NSD2: variants seen among roughly 807,000 people sequenced by gnomAD.
NSD2 encodes nuclear receptor binding SET domain protein 2, also known as histone-lysine N-methyltransferase NSD2.
A neutral mutation model predicts 139.0 loss-of-function variants in NSD2; 12 were observed. The ratio of observed to expected loss-of-function variants is 0.09; its 90% CI spans 0.06 to 0.14. The LOEUF (loss-of-function observed/expected upper bound fraction) is 0.14, where lower values mean the gene tolerates loss of function less well. Ranked by LOEUF, NSD2 falls within the 10% of genes least tolerant of loss-of-function variation. The probability of loss-of-function intolerance (pLI) is 1.00; values close to 1 mark genes in which losing one functional copy is unlikely to be tolerated. For missense variants in NSD2, 1,155 were observed against 1,745.0 expected (o/e 0.66, Z 6.02); for synonymous variants, 669 against 648.7 (o/e 1.03, Z -0.48).
chr4:1,925,504 TTC>T (rs1577456592), intron 5 of NSD2, among the ~76,000 whole-genome samples: 1 of 149,002 alleles, frequency 6.7e-6, no homozygotes, highest in East Asian at 2.0e-4. Context: ...GTTCAAGCGA[TTC>T]TCCTGCCTCA....
rs116640337 is a variant in NSD2, at chr4:1,895,865, G to A, written c.-29-4761G>A. On this transcript the variant is annotated intron_variant, in intron 1 of 21. Coordinates refer to ENST00000508803, the MANE Select transcript of NSD2 (RefSeq NM_001042424.3). ...CAAGGGTGGCTCTGTCACCCCAGTG[G>A]CCTCTGGTGGGTGTTTGCTGAGGGC... is the stretch of plus-strand genomic sequence containing the variant. Among the ~76,000 whole-genome samples the A allele has an allele frequency of 8.5e-3, 1,291 of 152,370 alleles. 11 individuals carry two copies. The highest frequency in any genetic ancestry group is 0.014 in the Non-Finnish European group (930 of 68,022).
At chr4:1,962,950 C>T (rs1166389186) in intron 18 of NSD2, among the ~76,000 whole-genome samples, 1 of 152,170 alleles carries the variant, frequency 6.6e-6, no homozygotes, top group South Asian at 2.1e-4. Flanking sequence ...GATAAGCTAG[C>T]AGCACATTCC....
chr4:1,930,228 G>C (rs1721481233), intron 5 of NSD2, among the ~76,000 whole-genome samples: 1 of 152,178 alleles, frequency 6.6e-6, no homozygotes, highest in African/African-American at 2.4e-5. Flanking sequence ...GCCCAGTGAG[G>C]ACACTGAGCT....
In NSD2 at chr4:1,948,873, T is replaced by C. The variant is rs1028207583; in HGVS notation, c.1882-2199T>C. The C allele has an allele frequency of 1.1e-6, 1 of 933,370 alleles. No individual in the cohort carries two copies. Among genetic ancestry groups the C allele is most frequent in the Non-Finnish European group, 1.3e-6 (1 of 773,226 alleles). The allele number at this position is 933,370 out of a possible 1,614,324, so 57.8% of individuals were successfully genotyped here. A position where few individuals can be genotyped will look rare whatever the true frequency, so the allele number is the denominator to read the frequency against. On this transcript the variant is annotated intron_variant, in intron 9 of 21. Coordinates refer to ENST00000508803, the MANE Select transcript of NSD2 (RefSeq NM_001042424.3). The surrounding 1 kb of genome is among the most constrained non-coding windows in gnomAD (Gnocchi z 4.5). ...TCTCTCCATGCATTTTTTTTCTCAT[T>C]TTTAAAGCTTTTTAAGTTTGTTCCA...
chr4:1,970,805 C>G (rs1247550963), intron 18 of NSD2, among the ~76,000 whole-genome samples: 2 of 152,128 alleles, frequency 1.3e-5, no homozygotes, highest in Admixed American at 6.5e-5. Flanking sequence ...GGCATGCAGG[C>G]TGACGGGTCA....
In NSD2 at chr4:1,930,756, C is replaced by G. The variant is rs1028583535; in HGVS notation, c.1541C>G (p.Ala514Gly). The G allele has an allele frequency of 2.5e-6, 4 of 1,613,166 alleles. No individual in the cohort carries two copies. The highest frequency in any genetic ancestry group is 3.4e-6 in the Non-Finnish European group (4 of 1,179,634). Residue 514 changes from alanine (A) to glycine (G), a missense_variant, in exon 6 of 22, where the codon GCT becomes GGT. Around this residue, in one of 8 missense-constraint regions of NSD2, gnomAD observed 420 missense variants for 469.0 expected, o/e 0.90. Coordinates refer to ENST00000508803, the MANE Select transcript of NSD2 (RefSeq NM_001042424.3). ...TTTGCCCTGGTGGCCCCTGTCCAGG[C>G]TGAAGAAGACTCTGGTAAACATAGC... ...TKFALVAPVQ[A>G]EEDSGNVNGK...
chr4:1,944,559 T>C (rs965863012), intron 9 of NSD2: 2 of 1,064,910 alleles, frequency 1.9e-6, no homozygotes, highest in African/African-American at 3.3e-5. Context: ...AGTGTAAAAC[T>C]TGAGGCATTC....
intron 18 of NSD2, among the ~76,000 whole-genome samples, chr4:1,967,093 CATT>C (rs1316853600): frequency 6.6e-6 from 1 of 152,076 alleles, no homozygotes; most frequent in African/African-American, 2.4e-5. Context: ...TGTGTGAAGA[CATT>C]ATTACTGCTT....
chr4:1,975,542 T>TGG (rs1164041650), intron 20 of NSD2, 142 bp downstream of exon 20: 1 of 673,468 alleles, frequency 1.5e-6, no homozygotes, highest in African/African-American at 1.8e-5. Context: ...TGCTGTGGGC[T>TGG]GGGGAGGATG....
intron 5 of NSD2, among the ~76,000 whole-genome samples, chr4:1,921,696 C>T (rs554544191): frequency 1.3e-4 from 18 of 143,052 alleles, no homozygotes; most frequent in South Asian, 4.5e-4. Flanking sequence ...AAAGGAGAAT[C>T]GGTTGAACCT....
At chr4:1,886,796 G>A (rs1405525642) in intron 1 of NSD2, among the ~76,000 whole-genome samples, 2 of 151,868 alleles carry the variant, frequency 1.3e-5, no homozygotes, top group Admixed American at 6.6e-5. Context: ...CTGAGATCGC[G>A]CCACTGCACT....
intron 1 of NSD2, among the ~76,000 whole-genome samples, chr4:1,872,629 A>AGAGAGAGAGAGAGAGAGAGAGAGAGG (rs1553856461): frequency 6.3e-5 from 9 of 142,596 alleles, no homozygotes; most frequent in Non-Finnish European, 1.4e-4. Context: ...AGAGAGAGAG[A>AGAGAGAGAGAGAGAGAGAGAGAGAGG]GAGAGAGCGC....
chr4:1,872,612 G>GAGAGAGAA (rs1332928097), intron 1 of NSD2, among the ~76,000 whole-genome samples: 3 of 143,656 alleles, frequency 2.1e-5, no homozygotes, highest in Admixed American at 7.1e-5. Context: ...GAGAGAGAGA[G>GAGAGAGAA]AGAGAGAGAG....
intron 6 of NSD2, among the ~76,000 whole-genome samples, chr4:1,933,166 C>T (rs868850952): frequency 3.9e-5 from 6 of 152,248 alleles, no homozygotes; most frequent in Non-Finnish European, 7.3e-5. Flanking sequence ...AGGGCCCCCA[C>T]GCTTTGGCTG....
chr4:1,879,883 T>A (rs983817324), intron 1 of NSD2, among the ~76,000 whole-genome samples: 9 of 151,240 alleles, frequency 6.0e-5, no homozygotes, highest in Non-Finnish European at 8.8e-5. Context: ...TGTCATGCCT[T>A]TGTGAGTACT....
At chr4:1,938,596 G>GGGGC in intron 8 of NSD2, 64 bp downstream of exon 8, 8 of 760,486 alleles carry the variant, frequency 1.1e-5, no homozygotes, top group East Asian at 3.0e-5. Flanking sequence ...GGGTGGGTGG[G>GGGGC]CTGAGAGTGT....
At chr4:1,963,116 C>G (rs1310275939) in intron 18 of NSD2, among the ~76,000 whole-genome samples, 1 of 152,186 alleles carries the variant, frequency 6.6e-6, no homozygotes, top group Non-Finnish European at 1.5e-5. Flanking sequence ...CAGCAACACC[C>G]TCATAGGATG....
Position 1,871,488 on chromosome 4 carries a change from C to A in NSD2, c.-84C>A. On this transcript the variant is annotated 5_prime_UTR_variant, in exon 1 of 22. Coordinates refer to ENST00000508803, the MANE Select transcript of NSD2 (RefSeq NM_001042424.3). ...GCCCTACCGCCGCACGGCCCCGGCC[C>A]CCTCCCAGCCTGCCGCTCCGGAGAG... 2 of 150,638 alleles carry A rather than the reference C, an allele frequency of 1.3e-5. No homozygotes were observed. The highest frequency in any genetic ancestry group is 3.6e-4 in the South Asian group (2 of 5,618). The allele number at this position is 150,638 out of a possible 1,614,324, so 9.3% of individuals were successfully genotyped here. A position where few individuals can be genotyped will look rare whatever the true frequency, so the allele number is the denominator to read the frequency against.
rs1713743216 is a variant in NSD2 at position 1,871,396 on chromosome 4, G to A, written c.-176G>A. The A allele has an allele frequency of 6.9e-6, 1 of 145,076 alleles. No homozygotes were observed. Among genetic ancestry groups the A allele is most frequent in the South Asian group, 1.9e-4 (1 of 5,218 alleles). The allele number at this position is 145,076 out of a possible 1,614,324, so 9.0% of individuals were successfully genotyped here. A position where few individuals can be genotyped will look rare whatever the true frequency, so the allele number is the denominator to read the frequency against. ...CGGGAGGCGCGGGGGCGGGGTCGGC[G>A]CCGCGCGCGAGAGCCTCGGCCTGGC... On this transcript the variant is annotated 5_prime_UTR_variant, in exon 1 of 22. Transcript: ENST00000508803.
Sources: allele counts gnomAD v4.1 joint callset (sites outside exome capture counted in the v4.1 genomes callset), GRCh38; gene constraint gnomAD v4.1.1; regional missense constraint gnomAD v4.1.1; non-coding constraint Gnocchi (gnomAD v3.1); transcripts MANE v1.5; gene names NCBI Gene and HGNC (gene_info 2026-07-23, HGNC 2026-07-21).